The following IL6ST variants were observed in gnomAD, a reference collection of about 807,000 sequenced individuals.
IL6ST encodes interleukin-6 receptor subunit beta.
Under a neutral mutation model 91.3 loss-of-function variants are expected in IL6ST, and 24 were observed. That is an observed-to-expected ratio of 0.26 (90% CI 0.19 to 0.37). IL6ST has a LOEUF of 0.37. Among genes scored for constraint, IL6ST ranks in the 10% least tolerant of loss-of-function variants. The probability of loss-of-function intolerance (pLI) is 1.00; values close to 1 mark genes in which losing one functional copy is unlikely to be tolerated. For missense variants in IL6ST, 914 were observed against 1,078.5 expected (o/e 0.85, Z 2.14); for synonymous variants, 351 against 373.6 (o/e 0.94, Z 0.70).
At chr5:55,956,283 T>A in intron 9 of IL6ST, 48 bp from the exon 10 acceptor site, 1 of 1,137,600 alleles carries the variant, frequency 8.8e-7, no homozygotes, top group Non-Finnish European at 1.3e-6. Context: ...AAATCTTGAA[T>A]AAAAAATCAG....
In IL6ST at chr5:55,940,518, G is replaced by A. The variant is rs535736998; in HGVS notation, c.*564C>T. On this transcript the variant is annotated 3_prime_UTR_variant, in exon 17 of 17. Coordinates refer to ENST00000381298, the MANE Select transcript of IL6ST (RefSeq NM_002184.4). ...ATCACTACCAATGGAAGGGACCTAA[G>A]GAATACCGTGTACACTGATATACAC... 9 of 213,404 alleles carry A rather than the reference G, an allele frequency of 4.2e-5. No homozygotes were observed. In the South Asian group the frequency reaches 1.7e-3, roughly 40 times the overall value. The allele number at this position is 213,404 out of a possible 1,614,324, so 13.2% of individuals were successfully genotyped here.
chr5:55,965,871 A>C (rs1276262565), intron 5 of IL6ST, among the ~76,000 whole-genome samples: 1 of 152,140 alleles, frequency 6.6e-6, no homozygotes, highest in Non-Finnish European at 1.5e-5. Flanking sequence ...CCACTGATCA[A>C]AGATGGGACA....
At chr5:55,968,124 G>T in intron 5 of IL6ST, 152 bp downstream of exon 5, 1 of 763,420 alleles carries the variant, frequency 1.3e-6, no homozygotes, top group Non-Finnish European at 2.0e-6. Context: ...ACCGCGCCTG[G>T]CCTCTACTTT....
At chr5:55,987,789 C>A (rs1441791459) in intron 1 of IL6ST, among the ~76,000 whole-genome samples, 2 of 152,134 alleles carry the variant, frequency 1.3e-5, no homozygotes, top group African/African-American at 4.8e-5. Context: ...AGGTTAACAG[C>A]TGTTATTATT....
Position 55,960,535 on chromosome 5 carries a change from G to A in IL6ST, c.840C>T (p.Thr280=), listed in dbSNP as rs1413938818. ...GGTCTTGGACAGTGAATGAAGATCGGGTGGATGCTGTGTCTTCAGGAGGAA... is the reference window on the plus strand; with the variant it reads ...GGTCTTGGACAGTGAATGAAGATCGAGTGGATGCTGTGTCTTCAGGAGGAA... ...SQIPPEDTAS[T]RSSFTVQDLK... is the part of the protein sequence containing the mutation. The change falls in exon 8 of 17, where the codon ACC becomes ACT. Residue 280 remains threonine, a synonymous_variant. Transcript: ENST00000381298. The A allele has an allele frequency of 3.7e-6, 6 of 1,613,382 alleles. No homozygotes were observed. The East Asian group carries it at 1.3e-4, about 36-fold the overall frequency.
intron 9 of IL6ST, 107 bp from the exon 10 acceptor site, chr5:55,956,342 T>C (rs1052468532): frequency 3.6e-5 from 24 of 660,076 alleles, no homozygotes; most frequent in African/African-American, 1.5e-4. Flanking sequence ...TCTCTAAATA[T>C]TTAACTGGAA....
chr5:55,945,961 A>AGC (rs1561157343), intron 15 of IL6ST, among the ~76,000 whole-genome samples: 1 of 152,164 alleles, frequency 6.6e-6, no homozygotes, highest in Non-Finnish European at 1.5e-5. Context: ...GCCACAGTTA[A>AGC]GACAAAAAAA....
At chr5:55,952,760 G>C (rs939832125) in intron 11 of IL6ST, among the ~76,000 whole-genome samples, 6 of 152,102 alleles carry the variant, frequency 3.9e-5, no homozygotes, top group Non-Finnish European at 7.4e-5. Flanking sequence ...GGAAAAAAGG[G>C]TATCTTAAAA....
Position 55,969,855 on chromosome 5 carries a change from C to T in IL6ST, c.65G>A (p.Gly22Asp), listed in dbSNP as rs1048494423. ...LFIFLTTEST[G>D]ELLDPCGYIS... ...ATAACCACATGGATCTAGAAGTTCA[C>T]CTAAAAAGGAACAATAGAAAATATA... is the stretch of plus-strand genomic sequence containing the variant. The change falls in exon 4 of 17, where the codon GGT (glycine) becomes GAT (aspartate). Residue 22 changes from glycine (G) to aspartate (D), a missense_variant and splice_region_variant. Transcript: ENST00000381298. 3 of 1,572,006 alleles carry T rather than the reference C, an allele frequency of 1.9e-6. No individual in the cohort carries two copies. The highest frequency in any genetic ancestry group is 2.3e-5 in the South Asian group (2 of 87,812).
intron 1 of IL6ST, among the ~76,000 whole-genome samples, chr5:55,985,313 C>T (rs1041447794): frequency 6.6e-6 from 1 of 151,874 alleles, no homozygotes; most frequent in Admixed American, 6.6e-5. Flanking sequence ...TTCAGAAGTT[C>T]GAGACCAGCC....
At position 55,947,593 on chromosome 5, in the gene IL6ST, A is replaced by T. The variant is rs1297886803; in HGVS notation, c.1841-4T>A. On this transcript the variant is annotated splice_region_variant and splice_polypyrimidine_tract_variant and intron_variant, in intron 14 of 16. Coordinates refer to ENST00000381298, the MANE Select transcript of IL6ST (RefSeq NM_002184.4). ...ATGGCTTCAATTTCTCCTTGAGCTT[A>T]AAAAAAAAAAAAAAAAAAAAAAAAG... 4 of 192,110 alleles carry T rather than the reference A, an allele frequency of 2.1e-5. No homozygotes were observed. The highest frequency in any genetic ancestry group is 2.0e-4 in the South Asian group (2 of 10,182). The allele number at this position is 192,110 out of a possible 1,614,324, so 11.9% of individuals were successfully genotyped here.
At chr5:55,944,698 C>T (rs2018879) in intron 15 of IL6ST, 53 of 1,082,614 alleles carry the variant, frequency 4.9e-5, no homozygotes, top group African/African-American at 3.5e-4. Context: ...CAGGCTGAAG[C>T]GCAAAAGAAG....
intron 7 of IL6ST, among the ~76,000 whole-genome samples, chr5:55,962,208 G>A (rs760037345): frequency 6.6e-6 from 1 of 152,116 alleles, no homozygotes; most frequent in Non-Finnish European, 1.5e-5. Context: ...ACAACATGAA[G>A]CATTAATCCA....
intron 2 of IL6ST, among the ~76,000 whole-genome samples, chr5:55,981,051 C>G (rs1753636814): frequency 1.3e-5 from 2 of 152,118 alleles, no homozygotes; most frequent in Non-Finnish European, 2.9e-5. Context: ...ATTCTTGCAA[C>G]AAAGCTGCTC....
rs1412478220 is a variant in IL6ST at position 55,940,355 on chromosome 5, T to C, written c.*727A>G. ...CACTCTGTTGAGTTTGTGAAATGCA[T>C]CTTCAAAGAGGTTGTCAATAATATG... is the stretch of plus-strand genomic sequence containing the variant. On this transcript the variant is annotated 3_prime_UTR_variant, in exon 17 of 17. Transcript: ENST00000381298. The C allele has an allele frequency of 1.4e-5, 3 of 209,066 alleles. No homozygotes were observed. Among genetic ancestry groups the C allele is most frequent in the Non-Finnish European group, 2.9e-5 (3 of 102,720 alleles). The allele number at this position is 209,066 out of a possible 1,614,324, so 13.0% of individuals were successfully genotyped here. A position where few individuals can be genotyped will look rare whatever the true frequency, so the allele number is the denominator to read the frequency against.
At position 55,982,155 on chromosome 5, in the gene IL6ST, G is replaced by T. The variant is rs865860749; in HGVS notation, c.-16+569C>A. On this transcript the variant is annotated intron_variant, in intron 2 of 16. Coordinates refer to ENST00000381298, the MANE Select transcript of IL6ST (RefSeq NM_002184.4). ...ACAATGGATAAATATTTAATGGTTA[G>T]GCTCTTTATAAATTATTTTTGTCAC... Among the ~76,000 whole-genome samples the T allele has an allele frequency of 4.1e-4, 63 of 152,120 alleles. No individual in the cohort carries two copies. The Middle Eastern group carries it at 0.01, about 25-fold the overall frequency.
intron 8 of IL6ST, 106 bp from the exon 9 acceptor site, chr5:55,957,397 G>A: frequency 1.8e-6 from 1 of 558,354 alleles, no homozygotes; most frequent in Non-Finnish European, 3.1e-6. Flanking sequence ...CCCTCCAATT[G>A]CATGGTGTCT....
Position 55,937,336 on chromosome 5 carries a change from CT to C in IL6ST, c.*3745del. 4.7e-6 allele frequency: 1 copy of C among 213,026 alleles called. No individual in the cohort carries two copies. The highest frequency in any genetic ancestry group is 9.5e-6 in the Non-Finnish European group (1 of 105,336). 13.2% of individuals were successfully genotyped at this position (213,026 alleles called of 1,614,324 possible). On this transcript the variant is annotated 3_prime_UTR_variant, in exon 17 of 17. Transcript: ENST00000381298. Reference sequence around the variant, plus strand: ...GAGCAACAGAAGAGCTCACCCTGAGCTGCCACCTTTTAATTTTTAATGCAAT... The same window carrying C: ...GAGCAACAGAAGAGCTCACCCTGAGCGCCACCTTTTAATTTTTAATGCAAT...
At chr5:55,947,831 G>A (rs535851595) in intron 14 of IL6ST, among the ~76,000 whole-genome samples, 2 of 152,222 alleles carry the variant, frequency 1.3e-5, no homozygotes, top group South Asian at 4.1e-4. Context: ...TAAAATATAT[G>A]TTGGTTGGGG....
Sources: gnomAD v4.1 joint callset for allele counts (sites outside exome capture counted in the v4.1 genomes callset) on GRCh38, gnomAD v4.1.1 for gene constraint, MANE v1.5 for transcripts, NCBI Gene and HGNC (gene_info 2026-07-23, HGNC 2026-07-21) for gene names.